Variants in SNX29 observed in about 807,000 individuals in gnomAD.
The protein encoded by SNX29 is sorting nexin-29.
Under a neutral mutation model 102.1 loss-of-function variants are expected in SNX29, and 78 were observed. The ratio of observed to expected loss-of-function variants is 0.76; its 90% CI spans 0.64 to 0.92. The LOEUF is 0.92. SNX29 is among the 40% of genes least tolerant of loss of function. The pLI is 0.00. For missense variants in SNX29, 1,280 were observed against 1,061.7 expected, an observed-to-expected ratio of 1.21 and a Z score of -2.86; for synonymous variants, 580 against 414.5, an observed-to-expected ratio of 1.40 and a Z score of -4.85.
chr16:12,398,437 T>G lies in SNX29; in HGVS notation c.1900-9T>G, dbSNP rs776691610. On this transcript the variant is annotated splice_polypyrimidine_tract_variant and intron_variant, in intron 16 of 20. Transcript: ENST00000566228. ...TTTTTCTCCCCTCTCCCCCTTCTCC[T>G]GATGGTAGGTGCCTGGAGATTTGAG... The G allele has an allele frequency of 6.2e-7, 1 of 1,614,012 alleles. No homozygotes were observed. Among genetic ancestry groups the G allele is most frequent in the South Asian group, 1.1e-5 (1 of 91,088 alleles).
intron 10 of SNX29, among the ~76,000 whole-genome samples, chr16:12,075,822 G>C (rs889485457): frequency 2.6e-5 from 4 of 152,260 alleles, no homozygotes; most frequent in Admixed American, 2.6e-4. Context: ...GCTCCACCCA[G>C]TTCGAGCTTC....
At chr16:12,559,817 A>G (rs941811087) in intron 20 of SNX29, among the ~76,000 whole-genome samples, 2 of 152,268 alleles carry the variant, frequency 1.3e-5, no homozygotes, top group African/African-American at 2.4e-5. Context: ...GGCCATTTCC[A>G]TCATCATCTC....
At chr16:12,418,193 G>T (rs1331085335) in intron 18 of SNX29, among the ~76,000 whole-genome samples, 1 of 152,084 alleles carries the variant, frequency 6.6e-6, no homozygotes, top group African/African-American at 2.4e-5. Context: ...GATGTTAATT[G>T]GCTGGTGATA....
chr16:12,554,347 C>G (rs764921103), intron 20 of SNX29, among the ~76,000 whole-genome samples: 1 of 149,030 alleles, frequency 6.7e-6, no homozygotes. Flanking sequence ...TGTTCTGTAG[C>G]TTTTCCCTTA....
chr16:12,197,074 G>A (rs1486832148), intron 13 of SNX29, among the ~76,000 whole-genome samples: 6 of 152,216 alleles, frequency 3.9e-5, no homozygotes, highest in Non-Finnish European at 8.8e-5. Flanking sequence ...GCAAATGAGA[G>A]GAGACCTGAC....
intron 18 of SNX29, among the ~76,000 whole-genome samples, chr16:12,445,367 G>C (rs570284260): frequency 6.6e-6 from 1 of 152,132 alleles, no homozygotes; most frequent in African/African-American, 2.4e-5. Context: ...CAGGGCTCCT[G>C]TATGCTGAGC....
At position 12,264,529 on chromosome 16, in the gene SNX29, C is replaced by T. The variant is rs139354651; in HGVS notation, c.1679-13404C>T. ...GGGTGCTGTGGCTCACGTTTGTAAT[C>T]CCAGCACTTTGGGAGGCTAAAGCCA... is the stretch of plus-strand genomic sequence containing the variant. On this transcript the variant is annotated intron_variant, in intron 14 of 20. Coordinates refer to ENST00000566228, the MANE Select transcript of SNX29 (RefSeq NM_032167.5). Among the ~76,000 whole-genome samples the T allele has an allele frequency of 2.1e-3, 314 of 152,298 alleles. 2 individuals are homozygous for T. Among genetic ancestry groups the T allele is most frequent in the African/African-American group, 7.2e-3 (298 of 41,554 alleles).
intron 4 of SNX29, among the ~76,000 whole-genome samples, chr16:12,035,204 CT>C (rs3971431): frequency 0.37 from 50,303 of 135,322 alleles, 9,555 homozygotes; most frequent in Non-Finnish European, 0.44. Context: ...AGAAATTTCC[CT>C]TTTTTTTTTT....
chr16:12,198,709 C>G (rs2141959492), intron 13 of SNX29, among the ~76,000 whole-genome samples: 1 of 152,328 alleles, frequency 6.6e-6, no homozygotes, highest in Middle Eastern at 3.4e-3. Context: ...TCAGATCTTA[C>G]CAGTGAGTTT....
intron 14 of SNX29, among the ~76,000 whole-genome samples, chr16:12,261,582 C>G (rs1318280544): frequency 7.2e-6 from 1 of 138,302 alleles, no homozygotes; most frequent in Admixed American, 7.2e-5. Flanking sequence ...GTGTGTGCAT[C>G]CCTGGCTGGA....
At chr16:12,193,177 T>C (rs1437638584) in intron 13 of SNX29, among the ~76,000 whole-genome samples, 2 of 152,224 alleles carry the variant, frequency 1.3e-5, no homozygotes, top group African/African-American at 2.4e-5. Flanking sequence ...AGTTGTTGCA[T>C]GTATCAATAG....
intron 1 of SNX29, among the ~76,000 whole-genome samples, chr16:11,991,841 C>G (rs1596540807): frequency 6.6e-6 from 1 of 152,108 alleles, no homozygotes; most frequent in Middle Eastern, 3.4e-3. Flanking sequence ...GCATGAGCCA[C>G]CTCACCCAGC....
At chr16:12,148,258 A>G (rs1390503785) in intron 13 of SNX29, among the ~76,000 whole-genome samples, 2 of 152,208 alleles carry the variant, frequency 1.3e-5, no homozygotes, top group African/African-American at 4.8e-5. Context: ...TGGAGCTACA[A>G]AATGCCCTTT....
chr16:12,464,470 T>C (rs1195525898), intron 18 of SNX29, among the ~76,000 whole-genome samples: 2 of 152,142 alleles, frequency 1.3e-5, no homozygotes, highest in African/African-American at 4.8e-5. Flanking sequence ...TTAGTTAATT[T>C]GAGACAGGGT....
chr16:12,112,337 C>T (rs1397415953), intron 11 of SNX29, among the ~76,000 whole-genome samples: 4 of 152,136 alleles, frequency 2.6e-5, no homozygotes, highest in Non-Finnish European at 5.9e-5. Context: ...AGAACAAAGG[C>T]AGTTCTTGGT....
intron 10 of SNX29, among the ~76,000 whole-genome samples, chr16:12,073,126 G>A (rs1332673438): frequency 6.6e-6 from 1 of 151,894 alleles, no homozygotes; most frequent in African/African-American, 2.4e-5. Context: ...CCAGCTCCTG[G>A]ATTCATTAAT....
intron 14 of SNX29, among the ~76,000 whole-genome samples, chr16:12,235,020 GTCTC>G (rs2077883241): frequency 6.6e-6 from 1 of 151,630 alleles, no homozygotes; most frequent in South Asian, 2.1e-4. Context: ...TCCTTTCCCT[GTCTC>G]TCTCTGTCTT....
At chr16:12,126,576 G>C in intron 11 of SNX29, 57 bp from the exon 12 acceptor site, 1 of 1,555,252 alleles carries the variant, frequency 6.4e-7, no homozygotes, top group Admixed American at 1.7e-5. Flanking sequence ...AGAGGTGAGG[G>C]CATGCTGTAA....
At chr16:12,408,409 T>A (rs1408035935) in intron 18 of SNX29, among the ~76,000 whole-genome samples, 3 of 152,222 alleles carry the variant, frequency 2.0e-5, no homozygotes, top group African/African-American at 7.2e-5. Flanking sequence ...ATGGTTTGCT[T>A]TGGAAAGTTG....
Sources: allele counts gnomAD v4.1 joint callset (sites outside exome capture counted in the v4.1 genomes callset), GRCh38; gene constraint gnomAD v4.1.1; transcripts MANE v1.5; gene names NCBI Gene and HGNC (gene_info 2026-07-23, HGNC 2026-07-21).